The following PDK1 variants were observed in gnomAD, a reference collection of about 807,000 sequenced individuals.
PDK1 encodes the protein pyruvate dehydrogenase kinase 1.
Under a neutral mutation model 54.2 loss-of-function variants are expected in PDK1, and 39 were observed. The ratio of observed to expected loss-of-function variants is 0.72; its 90% confidence interval spans 0.56 to 0.94. The LOEUF is 0.94. PDK1 is among the 40% of genes least tolerant of loss of function. PDK1 has a pLI of 0.00. For missense variants in PDK1, 552 were observed against 566.0 expected (o/e 0.98, Z 0.25); for synonymous variants, 221 against 207.1 (o/e 1.07, Z -0.58).
At position 172,598,192 on chromosome 2, in the gene PDK1, A is replaced by G. The variant is rs755760939; in HGVS notation, c.*2223A>G. 1.3e-4 allele frequency: 20 copies of G among 152,194 alleles called. No homozygotes were observed. Among genetic ancestry groups the G allele is most frequent in the African/African-American group, 4.8e-4 (20 of 41,454 alleles). The allele number at this position is 152,194 out of a possible 1,614,324, so 9.4% of individuals were successfully genotyped here. On this transcript the variant is annotated 3_prime_UTR_variant, in exon 11 of 11. Transcript: ENST00000282077. ...GTTTTAGAATCCTTTGAATCTAAGT[A>G]TTTGTTTCCTAAATGAAACATTTGT...
At chr2:172,660,755 G>A in the PDK1 span, among the ~76,000 whole-genome samples, 3 of 152,004 alleles carry the variant, frequency 2.0e-5, no homozygotes, top group East Asian at 5.9e-4. Context: ...GACACTTTGG[G>A]TTTCCTGTGG....
At chr2:172,694,553 T>C in the PDK1 span, among the ~76,000 whole-genome samples, 4 of 152,152 alleles carry the variant, frequency 2.6e-5, no homozygotes, top group Non-Finnish European at 5.9e-5. Flanking sequence ...ATCTCAAGGA[T>C]GTGCTAGTTT....
chr2:172,662,028 G>T, the PDK1 span, among the ~76,000 whole-genome samples: 2,825 of 152,298 alleles, frequency 0.019, 90 homozygotes, highest in African/African-American at 0.064. Flanking sequence ...GTCTGTAGTT[G>T]TTACAATGTG....
At chr2:172,717,019 A>G in the PDK1 span, among the ~76,000 whole-genome samples, 1 of 152,184 alleles carries the variant, frequency 6.6e-6, no homozygotes, top group Non-Finnish European at 1.5e-5. Context: ...TACCTGGGGT[A>G]AACAGCCTCC....
chr2:172,675,674 A>G, the PDK1 span, among the ~76,000 whole-genome samples: 1 of 152,234 alleles, frequency 6.6e-6, no homozygotes, highest in Non-Finnish European at 1.5e-5. Context: ...CTATAACATA[A>G]AAGTGCAAGG....
chr2:172,709,668 T>A, the PDK1 span, among the ~76,000 whole-genome samples: 1 of 152,230 alleles, frequency 6.6e-6, no homozygotes, highest in Non-Finnish European at 1.5e-5. Context: ...CAAATTTCAG[T>A]TACCATGGCA....
chr2:172,628,276 G>A, the PDK1 span, among the ~76,000 whole-genome samples: 1 of 152,194 alleles, frequency 6.6e-6, no homozygotes, highest in South Asian at 2.1e-4. Context: ...CTCCTTGCTT[G>A]GCGCCCTGCC....
At chr2:172,723,473 C>A in the PDK1 span, 2 of 152,072 alleles carry the variant, frequency 1.3e-5, no homozygotes, top group Non-Finnish European at 2.9e-5. Context: ...AATTTCTAAT[C>A]TTGAGGAAAC....
chr2:172,634,174 G>A, the PDK1 span, among the ~76,000 whole-genome samples: 1 of 147,404 alleles, frequency 6.8e-6, no homozygotes, highest in Non-Finnish European at 1.5e-5. Flanking sequence ...CGATGCGCCT[G>A]GTCAAGTCTA....
At chr2:172,672,023 A>G in the PDK1 span, among the ~76,000 whole-genome samples, 1 of 152,214 alleles carries the variant, frequency 6.6e-6, no homozygotes, top group African/African-American at 2.4e-5. Flanking sequence ...ACCTCCAGAA[A>G]GATAAGCACC....
chr2:172,582,759 A>C (rs539729586), intron 8 of PDK1, among the ~76,000 whole-genome samples: 222 of 152,274 alleles, frequency 1.5e-3, no homozygotes, highest in African/African-American at 5.2e-3. Flanking sequence ...TCTTTTGCCT[A>C]CTTTAAAATC....
At chr2:172,574,481 G>A (rs1265177670) in intron 8 of PDK1, among the ~76,000 whole-genome samples, 1 of 152,076 alleles carries the variant, frequency 6.6e-6, no homozygotes, top group Non-Finnish European at 1.5e-5. Flanking sequence ...GAATTTTGAT[G>A]GGCATCATTT....
the PDK1 span, among the ~76,000 whole-genome samples, chr2:172,633,240 G>T: frequency 2.0e-5 from 3 of 151,294 alleles, no homozygotes; most frequent in Non-Finnish European, 4.4e-5. Flanking sequence ...TAGAGATAGG[G>T]TCTCACTATG....
chr2:172,566,905 T>C lies in PDK1; in HGVS notation c.741T>C (p.Ser247=). 1 of 1,610,440 alleles carries C rather than the reference T, an allele frequency of 6.2e-7. No individual in the cohort carries two copies. Among genetic ancestry groups the C allele is most frequent in the Non-Finnish European group, 8.5e-7 (1 of 1,177,152 alleles). Residue 247 remains serine, a synonymous_variant, in exon 6 of 11, where the codon TCT becomes TCC. Transcript: ENST00000282077. The part of the protein sequence containing the change: ...RRLCDLYYIN[S]PELELEELNA... Reference sequence around the variant, plus strand: ...TGTGTGATTTGTATTATATTAACTCTCCCGAACTAGAACTTGAAGAACTAA... The same window carrying C: ...TGTGTGATTTGTATTATATTAACTCCCCCGAACTAGAACTTGAAGAACTAA...
At chr2:172,589,464 G>T (rs539321826) in intron 9 of PDK1, among the ~76,000 whole-genome samples, 38 of 152,324 alleles carry the variant, frequency 2.5e-4, no homozygotes, top group African/African-American at 9.1e-4. Context: ...GGCCCGGCCT[G>T]CCCAAGGCAA....
the PDK1 span, among the ~76,000 whole-genome samples, chr2:172,685,823 C>G: frequency 2.0e-4 from 31 of 152,298 alleles, no homozygotes; most frequent in African/African-American, 7.0e-4. Flanking sequence ...CGATGCTGAA[C>G]AGACAGCTGC....
At chr2:172,687,296 C>T in the PDK1 span, among the ~76,000 whole-genome samples, 1 of 151,494 alleles carries the variant, frequency 6.6e-6, no homozygotes, top group Admixed American at 6.6e-5. Flanking sequence ...CCTGTCTTTC[C>T]TCATTTTCCT....
At chr2:172,665,077 T>A in the PDK1 span, among the ~76,000 whole-genome samples, 1 of 152,322 alleles carries the variant, frequency 6.6e-6, no homozygotes, top group East Asian at 1.9e-4. Context: ...TCTGCTTTTA[T>A]GTTTCCCTTT....
At chr2:172,638,206 T>A in the PDK1 span, among the ~76,000 whole-genome samples, 5 of 152,288 alleles carry the variant, frequency 3.3e-5, no homozygotes, top group Non-Finnish European at 7.3e-5. Flanking sequence ...GATGGCACTT[T>A]TATTTAAAAA....
Sources: gnomAD v4.1 joint callset for allele counts (sites outside exome capture counted in the v4.1 genomes callset) on GRCh38, gnomAD v4.1.1 for gene constraint, MANE v1.5 for transcripts, NCBI Gene and HGNC (gene_info 2026-07-23, HGNC 2026-07-21) for gene names.